SBSN: variants seen among roughly 807,000 people sequenced by gnomAD.
SBSN encodes HLAR698.
SBSN carries 33 observed loss-of-function variants against 42.8 expected under a neutral mutation model. The ratio of observed to expected loss-of-function variants is 0.77; its 90% confidence interval spans 0.58 to 1.03. The LOEUF (loss-of-function observed/expected upper bound fraction) is 1.03, where lower values mean the gene tolerates loss of function less well. Among genes scored for constraint, SBSN ranks in the 50% least tolerant of loss-of-function variants. The probability of loss-of-function intolerance (pLI) is 0.00; values close to 1 mark genes in which losing one functional copy is unlikely to be tolerated. For missense variants in SBSN, 646 were observed against 757.3 expected, an observed-to-expected ratio of 0.85 and a Z score of 1.72; for synonymous variants, 276 against 307.0, an observed-to-expected ratio of 0.90 and a Z score of 1.06.
At chr19:35,524,158 A>C (rs1441591868) in intron 3 of SBSN, among the ~76,000 whole-genome samples, 1 of 152,174 alleles carries the variant, frequency 6.6e-6, no homozygotes, top group Admixed American at 6.5e-5. Flanking sequence ...CCAGCCTGGG[A>C]GATAGAGTGA....
chr19:35,525,037 C>G, intron 1 of SBSN, 113 bp from the exon 2 acceptor site: 1 of 1,108,672 alleles, frequency 9.0e-7, no homozygotes, highest in Admixed American at 2.0e-5. Flanking sequence ...CGGTGGGAGG[C>G]ACAGCTTAAC....
At position 35,527,875 on chromosome 19, in the gene SBSN, T is replaced by C; in HGVS notation, c.407A>G (p.His136Arg). 1.2e-6 allele frequency: 2 copies of C among 1,613,940 alleles called. No homozygotes were observed. The highest frequency in any genetic ancestry group is 2.2e-5 in the East Asian group (1 of 44,836). ...VGKEADKLIH[H>R]GVHHGANQAG... ...CTGGTTGGCCCCGTGATGGACCCCA[T>C]GATGGATCAGTTTGTCTGCCTCCTT... The change falls in exon 1 of 4, where the codon CAT becomes CGT. Residue 136 changes from histidine to arginine, a missense_variant. By Grantham distance (29) the His-to-Arg change is conservative (BLOSUM62 0). Coordinates refer to ENST00000452271, the MANE Select transcript of SBSN (RefSeq NM_001166034.2).
At position 35,526,681 on chromosome 19, in the gene SBSN, A is replaced by G. The variant is rs1467684764; in HGVS notation, c.1601T>C (p.Val534Ala). The G allele has an allele frequency of 1.5e-6, 2 of 1,365,626 alleles. No homozygotes were observed. Among genetic ancestry groups the G allele is most frequent in the Non-Finnish European group, 9.7e-7 (1 of 1,031,988 alleles). The allele number at this position is 1,365,626 out of a possible 1,614,324, so 84.6% of individuals were successfully genotyped here. A position where few individuals can be genotyped will look rare whatever the true frequency, so the allele number is the denominator to read the frequency against. Reference protein sequence around the residue: ...GKELQNAHNGVNQASKEANQL... With the variant: ...GKELQNAHNGANQASKEANQL... The stretch of plus-strand genomic sequence containing the variant: ...GTTGGCCTCCTTGCTGGCTTGGTTG[A>G]CCCCATTATGAGCATTCTGCAGCTC... The change falls in exon 1 of 4, where the codon GTC (valine) becomes GCC (alanine). Residue 534 changes from valine (V) to alanine (A), a missense_variant. Coordinates refer to ENST00000452271, the MANE Select transcript of SBSN (RefSeq NM_001166034.2).
At position 35,526,782 on chromosome 19, in the gene SBSN, A is replaced by G. The variant is rs1223613735; in HGVS notation, c.1500T>C (p.His500=). 1 of 1,613,624 alleles carries G rather than the reference A, an allele frequency of 6.2e-7. No individual in the cohort carries two copies. Among genetic ancestry groups the G allele is most frequent in the Non-Finnish European group, 8.5e-7 (1 of 1,179,912 alleles). ...CTTCCTTTCCAGCCTGGTCAGCAGC[A>G]TGGTTGACCCCTTGGCCAAGTTTCT... ...EAEKLGQGVN[H]AADQAGKEVE... Residue 500 remains histidine, a synonymous_variant, in exon 1 of 4, where the codon CAT becomes CAC. Coordinates refer to ENST00000452271, the MANE Select transcript of SBSN (RefSeq NM_001166034.2).
In SBSN at chr19:35,523,531, G is replaced by A. The variant is rs746424010; in HGVS notation, c.1752C>T (p.Ser584=). The A allele has an allele frequency of 1.6e-5, 26 of 1,613,974 alleles. No homozygotes were observed. The highest frequency in any genetic ancestry group is 9.9e-5 in the South Asian group (9 of 91,090). ...PFINLPALWR[S]VANIMP Reference sequence around the variant, plus strand: ...CAGTTTAGGGCATGATGTTGGCGACGCTCTGGAAGAGAGAAGGAGAGCAGG... The same window carrying A: ...CAGTTTAGGGCATGATGTTGGCGACACTCTGGAAGAGAGAAGGAGAGCAGG... The change falls in exon 4 of 4, where the codon AGC becomes AGT. Residue 584 remains serine, a splice_region_variant and synonymous_variant. Coordinates refer to ENST00000452271, the MANE Select transcript of SBSN (RefSeq NM_001166034.2).
rs2071380768 is a variant in SBSN at position 35,526,956 on chromosome 19, A to G, written c.1326T>C (p.His442=). ...QAGKEGDIAV[H]GVQPGVHEAG... The stretch of plus-strand genomic sequence containing the variant: ...CCTCGTGGACCCCAGGTTGGACACC[A>G]TGAACTGCTATGTCTCCCTCTTTCC... The change falls in exon 1 of 4, where the codon CAT becomes CAC. Residue 442 remains histidine, a synonymous_variant. Coordinates refer to ENST00000452271, the MANE Select transcript of SBSN (RefSeq NM_001166034.2). The G allele has an allele frequency of 1.9e-6, 3 of 1,564,690 alleles. No individual in the cohort carries two copies. The highest frequency in any genetic ancestry group is 4.8e-5 in the East Asian group (2 of 41,744).
rs755212295 is a variant in SBSN at position 35,528,205 on chromosome 19, T to A, written c.77A>T (p.Asp26Val). 9 of 1,613,962 alleles carry A rather than the reference T, an allele frequency of 5.6e-6. No individual in the cohort carries two copies. The highest frequency in any genetic ancestry group is 5.9e-6 in the Non-Finnish European group (7 of 1,180,010). ...TTCAATGACCTTCTCAATGGGGTCATCGCTGGCCGCCCATCCAGACAGGGC... is the reference window on the plus strand; with the variant it reads ...TTCAATGACCTTCTCAATGGGGTCAACGCTGGCCGCCCATCCAGACAGGGC... The part of the protein sequence containing the change: ...LGALSGWAAS[D>V]DPIEKVIEGI... Residue 26 changes from aspartate to valine, a missense_variant, in exon 1 of 4, where the codon GAT (aspartate) becomes GTT (valine). This residue lies in a region of SBSN where 190 missense variants were observed against 197.1 expected (regional missense o/e 0.96). Transcript: ENST00000452271.
In SBSN at chr19:35,526,706, C is replaced by T. The variant is rs776745094; in HGVS notation, c.1576G>A (p.Glu526Lys). 3.1e-6 allele frequency: 5 copies of T among 1,613,632 alleles called. No individual in the cohort carries two copies. In the African/African-American group the frequency reaches 6.7e-5, roughly 22 times the overall value. ...ACCCCATTATGAGCATTCTGCAGCT[C>T]CTTCCCGGCCTGGCCAGCAGCATGG... ...AHHAAGQAGKELQNAHNGVNQ... is the reference protein window; with the variant it reads ...AHHAAGQAGKKLQNAHNGVNQ... Residue 526 changes from glutamate to lysine, a missense_variant, in exon 1 of 4, where the codon GAG (glutamate) becomes AAG (lysine). Transcript: ENST00000452271.
chr19:35,524,825 G>A (rs73030916), intron 2 of SBSN, 34 bp downstream of exon 2: 6 of 1,613,334 alleles, frequency 3.7e-6, no homozygotes, highest in Non-Finnish European at 5.1e-6. Flanking sequence ...ACTCCCAGGG[G>A]CCTCCTCTCC....
chr19:35,527,258 CA>C lies in SBSN; in HGVS notation c.1023del (p.Ser341ArgfsTer99). 6.5e-7 allele frequency: 1 copy of C among 1,531,100 alleles called. No individual in the cohort carries two copies. 94.8% of individuals were successfully genotyped at this position (1,531,100 alleles called of 1,614,324 possible). On this transcript the variant is annotated frameshift_variant, in exon 1 of 4. Coordinates refer to ENST00000452271, the MANE Select transcript of SBSN (RefSeq NM_001166034.2). LOFTEE classifies it high-confidence loss of function. ...AACTTCTCTGTCTCCTTCCAGCCCT[CA>C]CTGAGACCATGGTGGACCCCCTGGC... ...RFGQGVHHGL[S>X]EGWKETEKFG...
chr19:35,526,917 T>G lies in SBSN; in HGVS notation c.1365A>C (p.Ala455=), dbSNP rs773527141. ...GGTGAACTCCCTGGCCAAACTGCCC[T>G]GCCTCCTTCCCGGCCTCGTGGACCC... The part of the protein sequence containing the change: ...QPGVHEAGKE[A]GQFGQGVHHT... Residue 455 remains alanine (A), a synonymous_variant, in exon 1 of 4, where the codon GCA becomes GCC. Transcript: ENST00000452271. 6 of 1,606,070 alleles carry G rather than the reference T, an allele frequency of 3.7e-6. No individual in the cohort carries two copies. The African/African-American group carries it at 8.1e-5, about 22-fold the overall frequency.
At position 35,527,850 on chromosome 19, in the gene SBSN, C is replaced by A. The variant is rs763513911; in HGVS notation, c.432G>T (p.Gln144His). ...IHHGVHHGANQAGSEAGKFGQ... is the reference protein window; with the variant it reads ...IHHGVHHGANHAGSEAGKFGQ... ...CAAACTTCCCTGCCTCACTTCCCGC[C>A]TGGTTGGCCCCGTGATGGACCCCAT... is the stretch of plus-strand genomic sequence containing the variant. The change falls in exon 1 of 4, where the codon CAG becomes CAT. Residue 144 changes from glutamine (Q) to histidine (H), a missense_variant. Coordinates refer to ENST00000452271, the MANE Select transcript of SBSN (RefSeq NM_001166034.2). 9.3e-6 allele frequency: 15 copies of A among 1,614,170 alleles called. No individual in the cohort carries two copies. The highest frequency in any genetic ancestry group is 1.3e-5 in the Non-Finnish European group (15 of 1,180,036).
At chr19:35,525,024 C>T in intron 1 of SBSN, 100 bp from the exon 2 acceptor site, 2 of 1,289,360 alleles carry the variant, frequency 1.6e-6, no homozygotes, top group Non-Finnish European at 2.2e-6. Context: ...GTGACTGGGG[C>T]TGCGGTGGGA....
chr19:35,524,162 A>G (rs147006539), intron 3 of SBSN, among the ~76,000 whole-genome samples: 84 of 152,366 alleles, frequency 5.5e-4, no homozygotes, highest in African/African-American at 1.9e-3. Context: ...CCTGGGAGAT[A>G]GAGTGAGACT....
intron 1 of SBSN, among the ~76,000 whole-genome samples, chr19:35,525,556 G>A (rs1263546253): frequency 6.6e-6 from 1 of 151,596 alleles, no homozygotes; most frequent in Non-Finnish European, 1.5e-5. Context: ...CCCTCATGGA[G>A]CCTGGAGAGT....
Position 35,527,397 on chromosome 19 carries a change from C to T in SBSN, c.885G>A (p.Lys295=). The T allele has an allele frequency of 1.9e-6, 3 of 1,573,326 alleles. No homozygotes were observed. The highest frequency in any genetic ancestry group is 1.7e-6 in the Non-Finnish European group (2 of 1,169,588). ...CAGCATGGTGGGCCCCCTGGCCAAA[C>T]TTCTCTGCCTCCTTCCCAACCTGAC... ...TAGQVGKEAE[K]FGQGAHHAAG... is the part of the protein sequence containing the mutation. Residue 295 remains lysine, a synonymous_variant, in exon 1 of 4, where the codon AAG becomes AAA. Coordinates refer to ENST00000452271, the MANE Select transcript of SBSN (RefSeq NM_001166034.2).
At position 35,527,026 on chromosome 19, in the gene SBSN, G is replaced by T. The variant is rs10775583; in HGVS notation, c.1256C>A (p.Ala419Glu). ...GTGAATGTCGTGGCCAAACTGCCCC[G>T]CCTCCCTTCCAGCCTGACTAACGCC... Reference protein sequence around the residue: ...HHGVSQAGREAGQFGHDIHHT... With the variant: ...HHGVSQAGREEGQFGHDIHHT... Residue 419 changes from alanine to glutamate, a missense_variant, in exon 1 of 4, where the codon GCG becomes GAG. Ala to Glu is a moderately radical substitution (Grantham distance 107, BLOSUM62 -1). Transcript: ENST00000452271. 6.5e-7 allele frequency: 1 copy of T among 1,541,838 alleles called. No homozygotes were observed. Among genetic ancestry groups the T allele is most frequent in the African/African-American group, 1.4e-5 (1 of 72,928 alleles).
intron 3 of SBSN, 117 bp from the exon 4 acceptor site, chr19:35,523,650 G>A: frequency 2.0e-6 from 2 of 1,019,374 alleles, no homozygotes; most frequent in Non-Finnish European, 1.5e-6. Context: ...TGGCCCCGGA[G>A]TTATGTTCTG....
chr19:35,526,222 A>G (rs550305914), intron 1 of SBSN, among the ~76,000 whole-genome samples: 4 of 152,298 alleles, frequency 2.6e-5, no homozygotes, highest in African/African-American at 9.6e-5. Context: ...GCCAAGGCTC[A>G]TCTCCGAAAG....
Sources: allele counts gnomAD v4.1 joint callset (sites outside exome capture counted in the v4.1 genomes callset), GRCh38; gene constraint gnomAD v4.1.1; regional missense constraint gnomAD v4.1.1; transcripts MANE v1.5; gene names NCBI Gene and HGNC (gene_info 2026-07-23, HGNC 2026-07-21).